OR4N2: variants seen among roughly 807,000 people sequenced by gnomAD.
OR4N2 encodes the protein olfactory receptor 4N2.
For synonymous variants in OR4N2, 141 were observed against 140.4 expected, an observed-to-expected ratio of 1.00 and a Z score of -0.03; for missense variants, 307 against 377.6, an observed-to-expected ratio of 0.81 and a Z score of 1.55.
In OR4N2 at chr14:19,815,669, T is replaced by G. The variant is rs1338712406; in HGVS notation, c.-9-11771T>G. ...GGTTTTTTTTTGTTTTTTTTTTTTT[T>G]GTTTTTTTTCTGTGCAGAAGCTCTT... On this transcript the variant is annotated intron_variant, in intron 1 of 1. Transcript: ENST00000557677. Among the ~76,000 whole-genome samples, 13 of 141,696 alleles carry G rather than the reference T, an allele frequency of 9.2e-5. No individual in the cohort carries two copies. In the East Asian group the frequency reaches 1.2e-3, roughly 13 times the overall value. The allele number at this position is 141,696 out of a possible 152,430, so 93.0% of individuals were successfully genotyped here. A position where few individuals can be genotyped will look rare whatever the true frequency, so the allele number is the denominator to read the frequency against.
In OR4N2 at chr14:19,809,510, G is replaced by A. The variant is rs371288963; in HGVS notation, c.-10+5666G>A. Among the ~76,000 whole-genome samples, 1,473 of 151,422 alleles carry A rather than the reference G, an allele frequency of 9.7e-3. 4 individuals are homozygous for A. Among genetic ancestry groups the A allele is most frequent in the Middle Eastern group, 0.052 (15 of 288 alleles). ...AACTTAAACAAAGCAACAAACAAAC[G>A]AACAAAAAATCCACTTAAAAATGGG... is the stretch of plus-strand genomic sequence containing the variant. On this transcript the variant is annotated intron_variant, in intron 1 of 1. Coordinates refer to ENST00000557677, the MANE Select transcript of OR4N2 (RefSeq NM_001004723.3).
At chr14:19,814,849 G>T (rs1463125403) in intron 1 of OR4N2, among the ~76,000 whole-genome samples, 5 of 151,944 alleles carry the variant, frequency 3.3e-5, no homozygotes, top group Non-Finnish European at 7.4e-5. Context: ...AGGCCCCCAT[G>T]TGGGATATTC....
At chr14:19,823,663 A>T (rs1004703646) in intron 1 of OR4N2, among the ~76,000 whole-genome samples, 1 of 152,258 alleles carries the variant, frequency 6.6e-6, no homozygotes, top group African/African-American at 2.4e-5. Flanking sequence ...AAAAACATAG[A>T]TAAATGTAAG....
At chr14:19,823,433 G>C (rs754143467) in intron 1 of OR4N2, among the ~76,000 whole-genome samples, 6 of 152,350 alleles carry the variant, frequency 3.9e-5, no homozygotes, top group Non-Finnish European at 7.3e-5. Context: ...TTACTGAAGA[G>C]TGAATTATAT....
Position 19,828,052 on chromosome 14 carries a change from A to T in OR4N2, c.604A>T (p.Asn202Tyr), listed in dbSNP as rs1431009114. 1.2e-6 allele frequency: 2 copies of T among 1,614,118 alleles called. No individual in the cohort carries two copies. Among genetic ancestry groups the T allele is most frequent in the African/African-American group, 2.7e-5 (2 of 74,926 alleles). The change falls in exon 2 of 2, where the codon AAC becomes TAC. Residue 202 changes from asparagine to tyrosine, a missense_variant. By Grantham distance (143) the Asn-to-Tyr change is moderately radical. Coordinates refer to ENST00000557677, the MANE Select transcript of OR4N2 (RefSeq NM_001004723.3). Reference sequence around the variant, plus strand: ...TGTGGTGGAGCTTCTGATGGTCTTCAACAGTGGCCTGATGACACTCCTGTG... The same window carrying T: ...TGTGGTGGAGCTTCTGATGGTCTTCTACAGTGGCCTGATGACACTCCTGTG... The part of the protein sequence containing the change: ...TFVVELLMVF[N>Y]SGLMTLLCFL...
intron 1 of OR4N2, among the ~76,000 whole-genome samples, chr14:19,811,774 G>A (rs1338495550): frequency 6.6e-6 from 1 of 152,236 alleles, no homozygotes; most frequent in African/African-American, 2.4e-5. Flanking sequence ...ATTCTAAGTA[G>A]ATTGGAAATG....
At chr14:19,808,253 G>C (rs1879213338) in intron 1 of OR4N2, among the ~76,000 whole-genome samples, 1 of 152,154 alleles carries the variant, frequency 6.6e-6, no homozygotes, top group African/African-American at 2.4e-5. Context: ...GCAAAAGAAA[G>C]AAATAAAAGA....
rs767468726 is a variant in OR4N2, at chr14:19,827,674, A to G, written c.226A>G (p.Ile76Val). 1.2e-5 allele frequency: 19 copies of G among 1,614,020 alleles called. No individual in the cohort carries two copies. Among genetic ancestry groups the G allele is most frequent in the Non-Finnish European group, 1.5e-5 (18 of 1,180,010 alleles). ...CTTCCTGGATGCATCCTACTCCTTC[A>G]TTGTGGCTCCCCGGATGTTGGTGGA... ...LAFLDASYSF[I>V]VAPRMLVDFL... The change falls in exon 2 of 2, where the codon ATT becomes GTT. Residue 76 changes from isoleucine to valine, a missense_variant. Physicochemically the swap from Ile to Val is conservative, Grantham distance 29 (BLOSUM62 3). Coordinates refer to ENST00000557677, the MANE Select transcript of OR4N2 (RefSeq NM_001004723.3).
intron 1 of OR4N2, among the ~76,000 whole-genome samples, chr14:19,812,334 T>C (rs200156871): frequency 6.3e-5 from 7 of 111,940 alleles, no homozygotes; most frequent in South Asian, 4.4e-4. Context: ...CTTTTCTTTT[T>C]TTTTTTTTTT....
chr14:19,827,857 A>G lies in OR4N2; in HGVS notation c.409A>G (p.Asn137Asp). ...GCCTCTGCACTATCCTACTGTCATGAACCCTAGAACCTGCTATGCAATGAT... is the reference window on the plus strand; with the variant it reads ...GCCTCTGCACTATCCTACTGTCATGGACCCTAGAACCTGCTATGCAATGAT... ...CRPLHYPTVM[N>D]PRTCYAMMLA... is the part of the protein sequence containing the mutation. The change falls in exon 2 of 2, where the codon AAC (asparagine) becomes GAC (aspartate). Residue 137 changes from asparagine (N) to aspartate (D), a missense_variant. Transcript: ENST00000557677. 1 of 1,614,204 alleles carries G rather than the reference A, an allele frequency of 6.2e-7. No individual in the cohort carries two copies. The highest frequency in any genetic ancestry group is 8.5e-7 in the Non-Finnish European group (1 of 1,180,032).
intron 1 of OR4N2, among the ~76,000 whole-genome samples, chr14:19,824,654 TCTC>T (rs1439193958): frequency 2.0e-5 from 3 of 152,208 alleles, no homozygotes; most frequent in East Asian, 1.9e-4. Context: ...TCCTTTTCCT[TCTC>T]CTCCTCAGCC....
At chr14:19,817,254 T>A (rs1179031581) in intron 1 of OR4N2, among the ~76,000 whole-genome samples, 1 of 152,254 alleles carries the variant, frequency 6.6e-6, no homozygotes, top group African/African-American at 2.4e-5. Flanking sequence ...TGTAATAGTT[T>A]CTGAAGGAAT....
chr14:19,810,227 G>C (rs1879262815), intron 1 of OR4N2, among the ~76,000 whole-genome samples: 1 of 152,220 alleles, frequency 6.6e-6, no homozygotes, highest in African/African-American at 2.4e-5. Context: ...CAGCCAAGAA[G>C]CATATGAAAA....
At chr14:19,806,928 A>G (rs1288199566) in intron 1 of OR4N2, among the ~76,000 whole-genome samples, 5 of 152,150 alleles carry the variant, frequency 3.3e-5, no homozygotes, top group Non-Finnish European at 7.4e-5. Context: ...ACACAAATTC[A>G]TGGAAAGTAA....
chr14:19,824,256 G>C (rs540158277), intron 1 of OR4N2, among the ~76,000 whole-genome samples: 1 of 152,158 alleles, frequency 6.6e-6, no homozygotes, highest in African/African-American at 2.4e-5. Flanking sequence ...TAGACTCTGC[G>C]TCTATTCCAA....
intron 1 of OR4N2, among the ~76,000 whole-genome samples, chr14:19,804,308 CT>C (rs1566460768): frequency 6.6e-6 from 1 of 152,096 alleles, no homozygotes; most frequent in African/African-American, 2.4e-5. Flanking sequence ...AATTTGAAAT[CT>C]TTCCAATCTT....
In OR4N2 at chr14:19,828,042, G is replaced by C; in HGVS notation, c.594G>C (p.Leu198=). The C allele has an allele frequency of 1.2e-6, 2 of 1,614,232 alleles. No individual in the cohort carries two copies. Among genetic ancestry groups the C allele is most frequent in the African/African-American group, 1.3e-5 (1 of 75,050 alleles). ...CCGACACATTTGTGGTGGAGCTTCT[G>C]ATGGTCTTCAACAGTGGCCTGATGA... ...ACTDTFVVEL[L]MVFNSGLMTL... is the part of the protein sequence containing the mutation. The change falls in exon 2 of 2, where the codon CTG becomes CTC. Residue 198 remains leucine, a synonymous_variant. Coordinates refer to ENST00000557677, the MANE Select transcript of OR4N2 (RefSeq NM_001004723.3).
chr14:19,810,661 C>T (rs747619959), intron 1 of OR4N2, among the ~76,000 whole-genome samples: 13 of 152,096 alleles, frequency 8.5e-5, no homozygotes, highest in Non-Finnish European at 1.8e-4. Flanking sequence ...GAGATCATGT[C>T]CTTTGCAAGA....
chr14:19,807,170 C>T (rs1382026059), intron 1 of OR4N2, among the ~76,000 whole-genome samples: 1 of 150,338 alleles, frequency 6.7e-6, no homozygotes, highest in Non-Finnish European at 1.5e-5. Flanking sequence ...CAACTTTGCA[C>T]CTAAAGGAAC....
Sources: allele counts gnomAD v4.1 joint callset (sites outside exome capture counted in the v4.1 genomes callset), GRCh38; gene constraint gnomAD v4.1.1; transcripts MANE v1.5; gene names NCBI Gene and HGNC (gene_info 2026-07-23, HGNC 2026-07-21).